Variants in MAPT observed in about 807,000 individuals in gnomAD.
The protein encoded by MAPT is microtubule-associated protein tau.
A neutral mutation model predicts 67.9 loss-of-function variants in MAPT; 34 were observed. The observed-to-expected ratio is 0.50, with a 90% CI of 0.38 to 0.67. MAPT has a LOEUF of 0.67. Among genes scored for constraint, MAPT ranks in the 30% least tolerant of loss-of-function variants. The pLI is 0.00. For synonymous variants in MAPT, 456 were observed against 464.5 expected (o/e 0.98, Z 0.23); for missense variants, 881 against 1,115.2 (o/e 0.79, Z 2.99).
intron 1 of MAPT, among the ~76,000 whole-genome samples, chr17:45,943,739 C>A (rs571283379): frequency 6.6e-6 from 1 of 152,242 alleles, no homozygotes; most frequent in African/African-American, 2.4e-5. Context: ...GGCCCTCTGT[C>A]CCCCCAGATC....
intron 9 of MAPT, chr17:45,999,250 G>A: frequency 6.2e-7 from 1 of 1,604,168 alleles, no homozygotes; most frequent in Non-Finnish European, 8.5e-7. Context: ...ACCACACTGA[G>A]CATGTGTCTG....
intron 1 of MAPT, among the ~76,000 whole-genome samples, chr17:45,904,274 TTATA>T (rs1218896314): frequency 4.0e-4 from 19 of 47,552 alleles, no homozygotes; most frequent in African/African-American, 1.2e-3. Flanking sequence ...ATATATATTT[TTATA>T]TATATAATAT....
chr17:45,895,882 G>A (rs2063170250), intron 1 of MAPT: 1 of 152,302 alleles, frequency 6.6e-6, no homozygotes, highest in South Asian at 2.1e-4. Context: ...ATTAAAGGGA[G>A]GGGGACAATC....
intron 1 of MAPT, among the ~76,000 whole-genome samples, chr17:45,930,127 C>T (rs62061709): frequency 0.14 from 21,848 of 152,130 alleles, 2,140 homozygotes; most frequent in Middle Eastern, 0.22. Context: ...AAGATGGGTG[C>T]GGTGGCTCAT....
At chr17:45,975,264 A>G (rs1210256613) in intron 3 of MAPT, 1 of 152,348 alleles carries the variant, frequency 6.6e-6, no homozygotes, top group African/African-American at 2.4e-5. Flanking sequence ...AGGCCTAGCC[A>G]GGATTTCACC....
chr17:45,988,429 A>G (rs1012117111), intron 6 of MAPT, among the ~76,000 whole-genome samples: 2 of 151,830 alleles, frequency 1.3e-5, no homozygotes, highest in Non-Finnish European at 2.9e-5. Flanking sequence ...GGCCATGCCC[A>G]CCCGTCAAAA....
rs747394422 is a variant in MAPT, at chr17:45,989,961, T to A, written c.1491T>A (p.Pro497=). Reference sequence around the variant, plus strand: ...ACCCCACTCCTGGTAGCTCAGACCCTCTGATCCAACCCTCCAGCCCTGCTG... The same window carrying A: ...ACCCCACTCCTGGTAGCTCAGACCCACTGATCCAACCCTCCAGCCCTGCTG... ...PKHPTPGSSD[P]LIQPSSPAVC... is the part of the protein sequence containing the mutation. The change falls in exon 7 of 13, where the codon CCT becomes CCA. Residue 497 remains proline (P), a synonymous_variant. Coordinates refer to ENST00000262410, the MANE Select transcript of MAPT (RefSeq NM_001377265.1). The A allele has an allele frequency of 1.1e-5, 18 of 1,614,048 alleles. No individual in the cohort carries two copies. In the Admixed American group the frequency reaches 3.0e-4, roughly 27 times the overall value.
chr17:46,009,615 G>T (rs569662427), intron 9 of MAPT, among the ~76,000 whole-genome samples: 1 of 152,342 alleles, frequency 6.6e-6, no homozygotes, highest in East Asian at 1.9e-4. Context: ...CCCTTGCAGG[G>T]ACAGAGCCCT....
intron 1 of MAPT, chr17:45,898,728 C>T (rs191805811): frequency 1.3e-5 from 2 of 152,294 alleles, no homozygotes; most frequent in Admixed American, 6.5e-5. Flanking sequence ...CTTCCTTACT[C>T]CCTCCTTGAA....
At chr17:46,019,260 C>A (rs1465288705) in intron 12 of MAPT, among the ~76,000 whole-genome samples, 3 of 152,040 alleles carry the variant, frequency 2.0e-5, no homozygotes, top group African/African-American at 7.2e-5. Context: ...TATTCACTAT[C>A]ATGAGAACAG....
intron 1 of MAPT, among the ~76,000 whole-genome samples, chr17:45,957,248 C>G (rs1279127834): frequency 6.6e-6 from 1 of 152,158 alleles, no homozygotes; most frequent in Non-Finnish European, 1.5e-5. Flanking sequence ...TCCACATCCT[C>G]TCCAGCAGCT....
intron 1 of MAPT, among the ~76,000 whole-genome samples, chr17:45,942,175 T>C (rs139965450): frequency 5.8e-4 from 88 of 152,354 alleles, no homozygotes; most frequent in African/African-American, 1.9e-3. Context: ...GTTGGGCATA[T>C]ATACTCTAGT....
intron 11 of MAPT, among the ~76,000 whole-genome samples, chr17:46,015,894 G>A (rs1367093324): frequency 1.3e-5 from 2 of 152,048 alleles, no homozygotes; most frequent in Non-Finnish European, 2.9e-5. Context: ...AGGTGAAGAG[G>A]GAGGCGAGAT....
Position 46,010,679 on chromosome 17 carries a change from C to T in MAPT, c.2091+277C>T, listed in dbSNP as rs573194835. Among the ~76,000 whole-genome samples, 6 of 152,270 alleles carry T rather than the reference C, an allele frequency of 3.9e-5. No individual in the cohort carries two copies. In the East Asian group the frequency reaches 9.6e-4, roughly 24 times the overall value. On this transcript the variant is annotated intron_variant, in intron 10 of 12. Coordinates refer to ENST00000262410, the MANE Select transcript of MAPT (RefSeq NM_001377265.1). The surrounding 1 kb of genome is among the most constrained non-coding windows in gnomAD (Gnocchi z 4.7). ...TGTGTGGACAGAATAGGGCAGATGACGGACCCTCTCTCCGGACCCTGCCTG... is the reference window on the plus strand; with the variant it reads ...TGTGTGGACAGAATAGGGCAGATGATGGACCCTCTCTCCGGACCCTGCCTG...
chr17:46,011,345 A>T (rs2075805061), intron 10 of MAPT, among the ~76,000 whole-genome samples: 1 of 152,224 alleles, frequency 6.6e-6, no homozygotes, highest in African/African-American at 2.4e-5. Context: ...GCAAGGAGCC[A>T]TGATCGCGCC....
At chr17:45,919,573 C>A (rs2065503377) in intron 1 of MAPT, among the ~76,000 whole-genome samples, 1 of 152,200 alleles carries the variant, frequency 6.6e-6, no homozygotes, top group Admixed American at 6.5e-5. Context: ...TCCCCCACTG[C>A]TGGGCGCAGA....
At chr17:45,999,465 A>C in intron 9 of MAPT, 1 of 1,614,060 alleles carries the variant, frequency 6.2e-7, no homozygotes, top group African/African-American at 1.3e-5. Flanking sequence ...CCCTGAGTTC[A>C]TCTGAGGTTG....
At chr17:45,944,151 C>G (rs1173101635) in intron 1 of MAPT, among the ~76,000 whole-genome samples, 2 of 152,212 alleles carry the variant, frequency 1.3e-5, no homozygotes, top group African/African-American at 4.8e-5. Context: ...TAGTGACAAT[C>G]ACAGCCACCC....
At chr17:45,968,930 A>G (rs1030342449) in intron 2 of MAPT, among the ~76,000 whole-genome samples, 2 of 152,238 alleles carry the variant, frequency 1.3e-5, no homozygotes, top group Non-Finnish European at 2.9e-5. Flanking sequence ...AGCTACTACT[A>G]TGCCCATTAT....
Sources: allele counts gnomAD v4.1 joint callset (sites outside exome capture counted in the v4.1 genomes callset), GRCh38; gene constraint gnomAD v4.1.1; non-coding constraint Gnocchi (gnomAD v3.1); transcripts MANE v1.5; gene names NCBI Gene and HGNC (gene_info 2026-07-23, HGNC 2026-07-21).